The following DCLRE1C variants were observed in gnomAD, a reference collection of about 807,000 sequenced individuals.
DCLRE1C encodes protein artemis.
Under a neutral mutation model 61.4 loss-of-function variants are expected in DCLRE1C, and 47 were observed. The ratio of observed to expected loss-of-function variants is 0.77; its 90% CI spans 0.61 to 0.98. The LOEUF is 0.98. Ranked by LOEUF, DCLRE1C falls within the 50% of genes least tolerant of loss-of-function variation. The pLI is 0.00. For synonymous variants in DCLRE1C, 337 were observed against 287.6 expected, an observed-to-expected ratio of 1.17 and a Z score of -1.74; for missense variants, 858 against 816.0, an observed-to-expected ratio of 1.05 and a Z score of -0.63.
chr10:14,898,158 T>TAA (rs942053965), exon 14 of DCLRE1C: 1 of 149,874 alleles, frequency 6.7e-6, no homozygotes. Flanking sequence ...CTTGATGTAT[T>TAA]AATTCACTAA....
intron 9 of DCLRE1C, 25 bp from the exon 10 acceptor site, chr10:14,928,177 A>G (rs1380761921): frequency 6.2e-7 from 1 of 1,609,104 alleles, no homozygotes; most frequent in Admixed American, 1.7e-5. Context: ...AAGCATAGAA[A>G]AACAGTTCTA....
intron 6 of DCLRE1C, 24 bp downstream of exon 6, chr10:14,935,439 T>C (rs1340235188): frequency 6.2e-7 from 1 of 1,604,520 alleles, no homozygotes; most frequent in Non-Finnish European, 8.5e-7. Context: ...TAAAATAAAA[T>C]AAAACCTATA....
intron 9 of DCLRE1C, among the ~76,000 whole-genome samples, chr10:14,930,107 G>A (rs916902063): frequency 1.3e-5 from 2 of 151,886 alleles, no homozygotes; most frequent in Non-Finnish European, 2.9e-5. Context: ...GGACAAAAAG[G>A]TGTATGTTTT....
At chr10:14,928,294 A>T in intron 9 of DCLRE1C, 142 bp from the exon 10 acceptor site, 2 of 722,344 alleles carry the variant, frequency 2.8e-6, no homozygotes, top group South Asian at 3.6e-5. Context: ...CAATGTAGAC[A>T]TGAAGAAACA....
At chr10:14,934,656 A>G (rs752990569) in intron 7 of DCLRE1C, 47 bp downstream of exon 7, 1 of 1,611,592 alleles carries the variant, frequency 6.2e-7, no homozygotes. Flanking sequence ...CCTACTAAAA[A>G]CACGGGCACA....
At chr10:14,899,294 T>C (rs567582672) in exon 14 of DCLRE1C, 1 of 701,746 alleles carries the variant, frequency 1.4e-6, no homozygotes, top group South Asian at 1.5e-5. Context: ...CATTCTAGCC[T>C]GAGTGACAGA....
intron 13 of DCLRE1C, among the ~76,000 whole-genome samples, chr10:14,912,607 A>G (rs1232697888): frequency 6.6e-6 from 1 of 152,262 alleles, no homozygotes; most frequent in Non-Finnish European, 1.5e-5. Context: ...GGTATGAAAT[A>G]CTGATATATG....
At position 14,908,822 on chromosome 10, in the gene DCLRE1C, A is replaced by C; in HGVS notation, c.1665T>G (p.Ser555=). ...EQGSQGWDSQ[S]DTVLLSSQER... is the part of the protein sequence containing the mutation. ...CTTGGGAAGATAACAAAACAGTATC[A>C]GATTGGCTGTCCCAGCCTTGACTTC... is the stretch of plus-strand genomic sequence containing the variant. The change falls in exon 14 of 14, where the codon TCT becomes TCG. Residue 555 remains serine, a synonymous_variant. Coordinates refer to ENST00000378278, the MANE Select transcript of DCLRE1C (RefSeq NM_001033855.3). 5 of 1,614,250 alleles carry C rather than the reference A, an allele frequency of 3.1e-6. No individual in the cohort carries two copies. Among genetic ancestry groups the C allele is most frequent in the Non-Finnish European group, 4.2e-6 (5 of 1,180,054 alleles).
At chr10:14,899,729 C>A, downstream of DCLRE1C, 1 of 1,599,638 alleles carries the variant, frequency 6.3e-7, no homozygotes, top group Non-Finnish European at 8.5e-7. Context: ...AACAATTCAA[C>A]CTAGTACTAG....
chr10:14,949,131 G>A (rs778378920), intron 1 of DCLRE1C, 44 bp from the exon 2 acceptor site: 40 of 1,360,428 alleles, frequency 2.9e-5, no homozygotes, highest in Admixed American at 2.0e-4. Flanking sequence ...TTTTTCCAGA[G>A]GATTCCTTAG....
rs559113764 is a variant in DCLRE1C at position 14,941,814 on chromosome 10, T to C, written c.247-1945A>G. On this transcript the variant is annotated intron_variant, in intron 3 of 13. Transcript: ENST00000378278. ...CTATTTTCTTCCTTGGGTTTAAAGT[T>C]CTGTTCATTAGTCCACATTCACACA... Among the ~76,000 whole-genome samples, 19 of 152,158 alleles carry C rather than the reference T, an allele frequency of 1.2e-4. No homozygotes were observed. In the South Asian group the frequency reaches 1.5e-3, roughly 12 times the overall value.
intron 12 of DCLRE1C, 63 bp from the exon 13 acceptor site, chr10:14,919,895 T>TGATA: frequency 5.4e-6 from 7 of 1,303,272 alleles, no homozygotes; most frequent in Non-Finnish European, 7.8e-6. Context: ...TAGACATCAT[T>TGATA]GATAGTATTA....
chr10:14,935,963 C>T (rs1380777139), intron 5 of DCLRE1C, among the ~76,000 whole-genome samples: 1 of 152,194 alleles, frequency 6.6e-6, no homozygotes, highest in Non-Finnish European at 1.5e-5. Flanking sequence ...GGCTGCAAGG[C>T]AGTGGCTCAA....
chr10:14,942,040 G>C (rs530318470), intron 3 of DCLRE1C: 1 of 152,376 alleles, frequency 6.6e-6, no homozygotes, highest in South Asian at 2.1e-4. Flanking sequence ...TAAGAAGGCA[G>C]ATGTGAACTA....
At chr10:14,949,182 A>C (rs1842106161) in intron 1 of DCLRE1C, 95 bp from the exon 2 acceptor site, 2 of 855,492 alleles carry the variant, frequency 2.3e-6, no homozygotes, top group African/African-American at 3.4e-5. Context: ...CTTCAAGAGA[A>C]AACCCATGAG....
rs1459247075 is a variant in DCLRE1C at position 14,909,341 on chromosome 10, A to G, written c.1157-11T>C. ...AGTCATCTTCCTCCTCTGTGGGACAAACAAAACAGGTTTATAGGAAACAAG... is the reference window on the plus strand; with the variant it reads ...AGTCATCTTCCTCCTCTGTGGGACAGACAAAACAGGTTTATAGGAAACAAG... On this transcript the variant is annotated splice_polypyrimidine_tract_variant and intron_variant, in intron 13 of 13. Transcript: ENST00000378278. The G allele has an allele frequency of 2.5e-6, 4 of 1,612,106 alleles. No homozygotes were observed. Among genetic ancestry groups the G allele is most frequent in the Non-Finnish European group, 2.5e-6 (3 of 1,179,480 alleles).
exon 14 of DCLRE1C, chr10:14,897,534 A>T (rs1833669832): frequency 1.3e-6 from 2 of 1,499,110 alleles, no homozygotes; most frequent in South Asian, 1.4e-5. Flanking sequence ...TTCATTTGCC[A>T]CGTAGTAAAT....
chr10:14,925,716 C>A lies in DCLRE1C; in HGVS notation c.972+1127G>T, dbSNP rs41298922. Among the ~76,000 whole-genome samples, 544 of 152,316 alleles carry A rather than the reference C, an allele frequency of 3.6e-3. 3 individuals carry two copies. Among genetic ancestry groups the A allele is most frequent in the Middle Eastern group, 0.014 (4 of 294 alleles). ...GTTACAGTCCTCCCGTGCTTAGGAA[C>A]ACTCGATAGGACTTCAGTATTATGA... On this transcript the variant is annotated intron_variant, in intron 11 of 13. Transcript: ENST00000378278.
In DCLRE1C at chr10:14,928,089, G is replaced by T; in HGVS notation, c.844C>A (p.Leu282Ile). Residue 282 changes from leucine (L) to isoleucine (I), a missense_variant, in exon 10 of 14, where the codon CTC becomes ATC. Physicochemically the swap from Leu to Ile is conservative, Grantham distance 5. This residue lies in a region of DCLRE1C where 843 missense variants were observed against 783.5 expected (regional missense o/e 1.08). Transcript: ENST00000378278. ...GATGGCTTAATGCTGATTATGTGGA[G>T]TGGAATTCTATTTCTGGAAGTAATT... ...CGITSRNRIP[L>I]HIISIKPSTM... is the part of the protein sequence containing the mutation. 6.2e-7 allele frequency: 1 copy of T among 1,613,552 alleles called. No homozygotes were observed. Among genetic ancestry groups the T allele is most frequent in the Non-Finnish European group, 8.5e-7 (1 of 1,179,656 alleles).
Sources: allele counts gnomAD v4.1 joint callset (sites outside exome capture counted in the v4.1 genomes callset), GRCh38; gene constraint gnomAD v4.1.1; regional missense constraint gnomAD v4.1.1; transcripts MANE v1.5; gene names NCBI Gene and HGNC (gene_info 2026-07-23, HGNC 2026-07-21).